WWOX: variants seen among roughly 807,000 people sequenced by gnomAD.
WWOX encodes the protein WW domain containing oxidoreductase.
In WWOX, 69 loss-of-function variants were observed where a neutral mutation model predicts 46.2. The observed-to-expected ratio is 1.49, with a 90% CI of 1.23 to 1.82. The LOEUF (loss-of-function observed/expected upper bound fraction) is 1.82, where lower values mean the gene tolerates loss of function less well. WWOX is among the 40% of genes most tolerant of loss of function. The pLI is 0.00. For synonymous variants in WWOX, 359 were observed against 202.6 expected, an observed-to-expected ratio of 1.77 and a Z score of -6.56; for missense variants, 919 against 542.6, an observed-to-expected ratio of 1.69 and a Z score of -6.89.
At chr16:78,722,535 CAGTAAGAGTACAA>C (rs2048717667) in intron 8 of WWOX, among the ~76,000 whole-genome samples, 2 of 151,986 alleles carry the variant, frequency 1.3e-5, no homozygotes, top group Admixed American at 1.3e-4. Context: ...TCATGGAGTT[CAGTAAGAGTACAA>C]AGCGAGGAGT....
intron 8 of WWOX, among the ~76,000 whole-genome samples, chr16:78,445,667 G>A (rs753956662): frequency 2.6e-5 from 4 of 152,210 alleles, no homozygotes; most frequent in African/African-American, 9.6e-5. Flanking sequence ...ACTTGAGGCC[G>A]GGAGTTTGAA....
At chr16:78,317,038 G>A (rs941236276) in intron 5 of WWOX, among the ~76,000 whole-genome samples, 2 of 152,226 alleles carry the variant, frequency 1.3e-5, no homozygotes, top group Middle Eastern at 3.2e-3. Context: ...ATCCAAAGGT[G>A]AAGCCTGCAC....
At chr16:78,457,078 C>G (rs1333076441) in intron 8 of WWOX, among the ~76,000 whole-genome samples, 1 of 152,184 alleles carries the variant, frequency 6.6e-6, no homozygotes, top group Non-Finnish European at 1.5e-5. Flanking sequence ...CGATTTGAAT[C>G]TTCTGTGCCG....
At chr16:78,487,438 C>A (rs1310457960) in intron 8 of WWOX, among the ~76,000 whole-genome samples, 2 of 152,176 alleles carry the variant, frequency 1.3e-5, no homozygotes, top group African/African-American at 4.8e-5. Flanking sequence ...AAGGGAGTCT[C>A]TTACTAATGT....
chr16:78,609,528 T>C (rs2045847381), intron 8 of WWOX, among the ~76,000 whole-genome samples: 1 of 151,770 alleles, frequency 6.6e-6, no homozygotes, highest in African/African-American at 2.4e-5. Context: ...GTTTTTTTTT[T>C]TCTTTCTTTC....
chr16:78,790,272 T>A (rs947228819), intron 8 of WWOX, among the ~76,000 whole-genome samples: 1 of 152,110 alleles, frequency 6.6e-6, no homozygotes, highest in African/African-American at 2.4e-5. Flanking sequence ...GTAGCTGGGA[T>A]TACAGGCGCA....
chr16:78,764,937 G>C (rs747354221), intron 8 of WWOX, among the ~76,000 whole-genome samples: 1 of 152,024 alleles, frequency 6.6e-6, no homozygotes, highest in Non-Finnish European at 1.5e-5. Context: ...TGTGCCTTTA[G>C]GGCATACACA....
chr16:78,395,788 T>C (rs1221022696), intron 6 of WWOX, among the ~76,000 whole-genome samples: 6 of 152,022 alleles, frequency 3.9e-5, no homozygotes, highest in African/African-American at 1.5e-4. Flanking sequence ...TTTTTGCTAT[T>C]CTTTTGTTAT....
intron 8 of WWOX, among the ~76,000 whole-genome samples, chr16:78,517,801 T>A (rs2043268440): frequency 6.6e-6 from 1 of 151,126 alleles, no homozygotes; most frequent in Admixed American, 6.6e-5. Flanking sequence ...TTAAGAGTGA[T>A]GTCGTTTTAT....
At chr16:78,613,265 G>A (rs927833711) in intron 8 of WWOX, among the ~76,000 whole-genome samples, 1 of 152,116 alleles carries the variant, frequency 6.6e-6, no homozygotes, top group Admixed American at 6.5e-5. Flanking sequence ...TCCGGGCCTA[G>A]GGCAGGGATC....
rs33981779 is a variant in WWOX at position 78,817,172 on chromosome 16, C to CTTTTTTTTTTTTTTTTTTTT, written c.1056+384428_1056+384447dup. Among the ~76,000 whole-genome samples, 7 of 51,578 alleles carry CTTTTTTTTTTTTTTTTTTTT rather than the reference C, an allele frequency of 1.4e-4. 2 individuals carry two copies. The highest frequency in any genetic ancestry group is 4.4e-4 in the African/African-American group (6 of 13,642). The allele number at this position is 51,578 out of a possible 152,430, so 33.8% of individuals were successfully genotyped here. Reference sequence around the variant, plus strand: ...GTTTTTCTTAAACATTAGTGCTATTCTTTTTTTTTTTTTTTTTTTTTTTTT... The same window carrying CTTTTTTTTTTTTTTTTTTTT: ...GTTTTTCTTAAACATTAGTGCTATTCTTTTTTTTTTTTTTTTTTTTTTTTTTTTTTTTTTTTTTTTTTTTT... On this transcript the variant is annotated intron_variant, in intron 8 of 8. Coordinates refer to ENST00000566780, the MANE Select transcript of WWOX (RefSeq NM_016373.4).
At chr16:78,419,727 T>C (rs188260784) in intron 6 of WWOX, among the ~76,000 whole-genome samples, 10 of 151,498 alleles carry the variant, frequency 6.6e-5, no homozygotes, top group Admixed American at 5.2e-4. Flanking sequence ...TTTCTGATTT[T>C]GGCTTAGACA....
rs1199139939 is a variant in WWOX at position 78,884,084 on chromosome 16, G to C, written c.1057-327524G>C. Among the ~76,000 whole-genome samples, 2 of 152,042 alleles carry C rather than the reference G, an allele frequency of 1.3e-5. 1 individual carries two copies. Among genetic ancestry groups the C allele is most frequent in the South Asian group, 4.2e-4 (2 of 4,810 alleles). On this transcript the variant is annotated intron_variant, in intron 8 of 8. Coordinates refer to ENST00000566780, the MANE Select transcript of WWOX (RefSeq NM_016373.4). ...GCTTGAGCCCGGGAGTTCAAGACCA[G>C]CTGGGCCAACATGGTGAAACCCTGT... is the stretch of plus-strand genomic sequence containing the variant.
chr16:79,212,018 C>G lies in WWOX; in HGVS notation c.*222C>G, dbSNP rs938913597. The G allele has an allele frequency of 6.5e-7, 1 of 1,536,254 alleles. No individual in the cohort carries two copies. Among genetic ancestry groups the G allele is most frequent in the Non-Finnish European group, 8.7e-7 (1 of 1,146,936 alleles). ...CTGGGGCTGGGCTAGGCATAGGTCT[C>G]TTTGCTTTCTGGTGGTGGCCTGTTT... On this transcript the variant is annotated 3_prime_UTR_variant, in exon 9 of 9. Transcript: ENST00000566780.
intron 8 of WWOX, among the ~76,000 whole-genome samples, chr16:78,567,055 C>T (rs1346862949): frequency 6.6e-6 from 1 of 152,160 alleles, no homozygotes; most frequent in Admixed American, 6.5e-5. Context: ...TTGTTAATCC[C>T]ACCCTAAGTG....
intron 5 of WWOX, among the ~76,000 whole-genome samples, chr16:78,278,932 T>C (rs1400895574): frequency 6.6e-6 from 1 of 152,138 alleles, no homozygotes; most frequent in East Asian, 1.9e-4. Flanking sequence ...TCTGTGTACA[T>C]AAGTGTGTGT....
chr16:78,330,418 G>A (rs1046726208), intron 5 of WWOX, among the ~76,000 whole-genome samples: 56 of 148,436 alleles, frequency 3.8e-4, no homozygotes, highest in African/African-American at 1.4e-3. Flanking sequence ...TTTTTCCCCT[G>A]AGAAAGTCTT....
chr16:78,520,178 G>A (rs921701972), intron 8 of WWOX, among the ~76,000 whole-genome samples: 3 of 152,182 alleles, frequency 2.0e-5, no homozygotes, highest in Non-Finnish European at 4.4e-5. Context: ...TATGGGATGA[G>A]TTCCCAGGCA....
Position 78,456,631 on chromosome 16 carries a change from C to T in WWOX, c.1056+23879C>T, listed in dbSNP as rs199679842. Reference sequence around the variant, plus strand: ...ATTTTTATAAAAAAATTTAAAAATTCTGAATCTGTGGTGTTTCTGAAACAT... The same window carrying T: ...ATTTTTATAAAAAAATTTAAAAATTTTGAATCTGTGGTGTTTCTGAAACAT... On this transcript the variant is annotated intron_variant, in intron 8 of 8. Transcript: ENST00000566780. Among the ~76,000 whole-genome samples the T allele has an allele frequency of 3.7e-4, 56 of 152,176 alleles. No individual in the cohort carries two copies. The East Asian group carries it at 0.011, about 29-fold the overall frequency.
Sources: gnomAD v4.1 joint callset for allele counts (sites outside exome capture counted in the v4.1 genomes callset) on GRCh38, gnomAD v4.1.1 for gene constraint, MANE v1.5 for transcripts, NCBI Gene and HGNC (gene_info 2026-07-23, HGNC 2026-07-21) for gene names.